The following FCRL3 variants were observed in gnomAD, a reference collection of about 807,000 sequenced individuals.
FCRL3 encodes the protein Fc receptor like 3.
In FCRL3, 89 loss-of-function variants were observed where a neutral mutation model predicts 75.0. That is an observed-to-expected ratio of 1.19 (90% CI 1.00 to 1.42). The LOEUF (loss-of-function observed/expected upper bound fraction) is 1.42. Among genes scored for constraint, FCRL3 ranks in the 40% most tolerant of loss-of-function variants. FCRL3 has a pLI of 0.00. For missense variants in FCRL3, 946 were observed against 880.0 expected, an observed-to-expected ratio of 1.07 and a Z score of -0.95; for synonymous variants, 376 against 348.5, an observed-to-expected ratio of 1.08 and a Z score of -0.88.
intron 8 of FCRL3, chr1:157,691,769 C>T (rs543416062): frequency 3.3e-5 from 5 of 152,242 alleles, no homozygotes; most frequent in Admixed American, 3.3e-4. Flanking sequence ...AGAGAGATTT[C>T]CAACCTCTTG....
rs564142118 is a variant in FCRL3 at position 157,696,628 on chromosome 1, C to A, written c.845-301G>T. On this transcript the variant is annotated intron_variant, in intron 6 of 14. Transcript: ENST00000368184. ...AGGAATCTTTGATGCATCAATAAAC[C>A]ACAAAATAAAAGAGAACACTGGAGA... The A allele has an allele frequency of 7.9e-5, 31 of 390,898 alleles. No homozygotes were observed. The Admixed American group carries it at 9.6e-4, about 12-fold the overall frequency. 24.2% of individuals were successfully genotyped at this position (390,898 alleles called of 1,614,324 possible).
chr1:157,690,033 A>G, intron 9 of FCRL3, 116 bp from the exon 10 acceptor site: 1 of 1,474,330 alleles, frequency 6.8e-7, no homozygotes, highest in Non-Finnish European at 9.2e-7. Context: ...CATCATTTGT[A>G]ATTTTCAAAA....
intron 13 of FCRL3, 99 bp from the exon 14 acceptor site, chr1:157,679,072 T>C (rs1049088723): frequency 1.5e-6 from 2 of 1,350,064 alleles, no homozygotes; most frequent in Non-Finnish European, 2.1e-6. Flanking sequence ...CTTCTTGATT[T>C]GCTTGATCTC....
At position 157,680,786 on chromosome 1, in the gene FCRL3, T is replaced by C. The variant is rs1325637099; in HGVS notation, c.1958-16A>G. Reference sequence around the variant, plus strand: ...CCAGGATTTACTGTGAGAGAAGATATCATAGTTGGTTGCAGTCAAGAGCTC... The same window carrying C: ...CCAGGATTTACTGTGAGAGAAGATACCATAGTTGGTTGCAGTCAAGAGCTC... On this transcript the variant is annotated splice_polypyrimidine_tract_variant and intron_variant, in intron 12 of 14. Coordinates refer to ENST00000368184, the MANE Select transcript of FCRL3 (RefSeq NM_052939.4). The C allele has an allele frequency of 2.5e-6, 4 of 1,612,588 alleles. No individual in the cohort carries two copies. Among genetic ancestry groups the C allele is most frequent in the African/African-American group, 1.3e-5 (1 of 74,992 alleles).
chr1:157,679,208 G>A, intron 13 of FCRL3: 1 of 581,486 alleles, frequency 1.7e-6, no homozygotes, highest in Non-Finnish European at 3.1e-6. Context: ...AATAGAAAAA[G>A]TACTGCCCCA....
At chr1:157,683,104 A>T in intron 11 of FCRL3, 113 bp downstream of exon 11, 1 of 1,188,606 alleles carries the variant, frequency 8.4e-7, no homozygotes, top group Non-Finnish European at 1.2e-6. Flanking sequence ...ATTTTGTAAG[A>T]ACGTAAAAAT....
intron 11 of FCRL3, 86 bp downstream of exon 11, chr1:157,683,131 T>C (rs1654952095): frequency 2.1e-6 from 3 of 1,460,834 alleles, no homozygotes; most frequent in African/African-American, 1.5e-5. Flanking sequence ...AGGAAATCCA[T>C]TGAAATTTAA....
In FCRL3 at chr1:157,695,619, A is replaced by C; in HGVS notation, c.1133-12T>G. On this transcript the variant is annotated splice_polypyrimidine_tract_variant and intron_variant, in intron 7 of 14. Coordinates refer to ENST00000368184, the MANE Select transcript of FCRL3 (RefSeq NM_052939.4). Reference sequence around the variant, plus strand: ...GTGAGATACCGGAACTGAAGGAGACAAAAGGGCTGTCAGAGGATTCTGACG... The same window carrying C: ...GTGAGATACCGGAACTGAAGGAGACCAAAGGGCTGTCAGAGGATTCTGACG... 1 of 1,586,424 alleles carries C rather than the reference A, an allele frequency of 6.3e-7. No individual in the cohort carries two copies. Among genetic ancestry groups the C allele is most frequent in the East Asian group, 2.2e-5 (1 of 44,660 alleles).
Position 157,676,609 on chromosome 1 carries a change from C to T in FCRL3, c.*2101G>A. On this transcript the variant is annotated 3_prime_UTR_variant, in exon 15 of 15. Coordinates refer to ENST00000368184, the MANE Select transcript of FCRL3 (RefSeq NM_052939.4). ...AGTAGAGCACTGCATGAGAATAATT[C>T]ATTTTACAGGGCAATCAATCAGAAT... 9.1e-7 allele frequency: 1 copy of T among 1,099,038 alleles called. No homozygotes were observed. Among genetic ancestry groups the T allele is most frequent in the Non-Finnish European group, 1.3e-6 (1 of 754,528 alleles). 68.1% of individuals were successfully genotyped at this position (1,099,038 alleles called of 1,614,324 possible). A position where few individuals can be genotyped will look rare whatever the true frequency, so the allele number is the denominator to read the frequency against.
chr1:157,677,289 C>T lies in FCRL3; in HGVS notation c.*1421G>A, dbSNP rs1335201425. The stretch of plus-strand genomic sequence containing the variant: ...TTTATGGTGACCCTGTAGTGTATCT[C>T]CAGAAATGGTGATTGTTTGAATGCA... On this transcript the variant is annotated 3_prime_UTR_variant, in exon 15 of 15. Coordinates refer to ENST00000368184, the MANE Select transcript of FCRL3 (RefSeq NM_052939.4). 2 of 988,240 alleles carry T rather than the reference C, an allele frequency of 2.0e-6. No homozygotes were observed. Among genetic ancestry groups the T allele is most frequent in the Non-Finnish European group, 2.4e-6 (2 of 831,652 alleles). The allele number at this position is 988,240 out of a possible 1,614,324, so 61.2% of individuals were successfully genotyped here. A position where few individuals can be genotyped will look rare whatever the true frequency, so the allele number is the denominator to read the frequency against.
At chr1:157,679,721 T>C (rs1254087179) in intron 13 of FCRL3, among the ~76,000 whole-genome samples, 3 of 147,410 alleles carry the variant, frequency 2.0e-5, no homozygotes, top group Non-Finnish European at 3.0e-5. Context: ...CCCGGCTACT[T>C]AGGAAGCTAA....
intron 4 of FCRL3, 188 bp from the exon 5 acceptor site, chr1:157,698,107 T>C (rs1656075230): frequency 1.3e-6 from 1 of 756,562 alleles, no homozygotes; most frequent in Admixed American, 2.9e-5. Context: ...CCAGAAAATG[T>C]TCTTGAGAAA....
chr1:157,688,817 T>G lies in FCRL3; in HGVS notation c.1810+981A>C, dbSNP rs568330888. Among the ~76,000 whole-genome samples, 6 of 152,286 alleles carry G rather than the reference T, an allele frequency of 3.9e-5. No individual in the cohort carries two copies. In the South Asian group the frequency reaches 1.2e-3, roughly 32 times the overall value. On this transcript the variant is annotated intron_variant, in intron 10 of 14. Coordinates refer to ENST00000368184, the MANE Select transcript of FCRL3 (RefSeq NM_052939.4). ...GACGTAAACATCCTTTGCAAAATTT[T>G]AGCAAATCAAATCAACAGTCATGAC...
chr1:157,699,648 C>T, intron 3 of FCRL3, 44 bp downstream of exon 3: 1 of 1,611,402 alleles, frequency 6.2e-7, no homozygotes, highest in Non-Finnish European at 8.5e-7. Context: ...GCTGAGGGGA[C>T]CAATATCCAG....
intron 13 of FCRL3, 98 bp downstream of exon 13, chr1:157,680,604 T>C: frequency 2.0e-6 from 2 of 994,696 alleles, no homozygotes. Context: ...ATGCCTTGCG[T>C]GTTGGGCTTG....
At chr1:157,681,393 T>TC (rs1654837117) in intron 11 of FCRL3, among the ~76,000 whole-genome samples, 1 of 75,080 alleles carries the variant, frequency 1.3e-5, no homozygotes, top group African/African-American at 5.5e-5. Context: ...CCCTCTCCCC[T>TC]CCCCCCACCC....
Position 157,677,237 on chromosome 1 carries a change from T to C in FCRL3, c.*1473A>G, listed in dbSNP as rs1042411350. 7 of 1,004,364 alleles carry C rather than the reference T, an allele frequency of 7.0e-6. No homozygotes were observed. Among genetic ancestry groups the C allele is most frequent in the Admixed American group, 1.1e-4 (2 of 18,806 alleles). 62.2% of individuals were successfully genotyped at this position (1,004,364 alleles called of 1,614,324 possible). A position where few individuals can be genotyped will look rare whatever the true frequency, so the allele number is the denominator to read the frequency against. On this transcript the variant is annotated 3_prime_UTR_variant, in exon 15 of 15. Transcript: ENST00000368184. The stretch of plus-strand genomic sequence containing the variant: ...GCCTTCTGGTGAAACTCAGCTTCCA[T>C]AGTGATGGAACCTAAGGGTAGCAGA...
At chr1:157,688,436 C>A (rs1655309354) in intron 10 of FCRL3, among the ~76,000 whole-genome samples, 1 of 151,822 alleles carries the variant, frequency 6.6e-6, no homozygotes, top group Non-Finnish European at 1.5e-5. Context: ...ATTCTGGAAG[C>A]AAAACTTGAT....
intron 10 of FCRL3, among the ~76,000 whole-genome samples, chr1:157,685,886 AT>A (rs869177064): frequency 2.6e-5 from 4 of 152,008 alleles, no homozygotes; most frequent in South Asian, 2.1e-4. Flanking sequence ...AAATAAAAAA[AT>A]TTTTTTTAAT....
Sources: allele counts gnomAD v4.1 joint callset (sites outside exome capture counted in the v4.1 genomes callset), GRCh38; gene constraint gnomAD v4.1.1; transcripts MANE v1.5; gene names NCBI Gene and HGNC (gene_info 2026-07-23, HGNC 2026-07-21).